CDS2: variants seen among roughly 807,000 people sequenced by gnomAD.
CDS2 encodes the protein phosphatidate cytidylyltransferase 2.
In CDS2, 47 loss-of-function variants were observed where a neutral mutation model predicts 59.0. That is an observed-to-expected ratio of 0.80 (90% confidence interval 0.63 to 1.02). The LOEUF is 1.02. Among genes scored for constraint, CDS2 ranks in the 50% least tolerant of loss-of-function variants. CDS2 has a pLI of 0.00. For synonymous variants in CDS2, 207 were observed against 206.4 expected, an observed-to-expected ratio of 1.00 and a Z score of -0.02; for missense variants, 356 against 558.9, an observed-to-expected ratio of 0.64 and a Z score of 3.66.
intron 1 of CDS2, among the ~76,000 whole-genome samples, chr20:5,149,164 T>G (rs1406615627): frequency 6.6e-6 from 1 of 152,152 alleles, no homozygotes; most frequent in Admixed American, 6.5e-5. Context: ...TATTTGAGTA[T>G]AGTATACTAG....
rs1488335072 is a variant in CDS2 at position 5,127,014 on chromosome 20, C to T, written c.-79C>T. The T allele has an allele frequency of 5.9e-6, 8 of 1,363,602 alleles. 1 individual carries two copies. The South Asian group carries it at 7.3e-5, about 12-fold the overall frequency. 84.5% of individuals were successfully genotyped at this position (1,363,602 alleles called of 1,614,324 possible). On this transcript the variant is annotated 5_prime_UTR_variant, in exon 1 of 13. Coordinates refer to ENST00000460006, the MANE Select transcript of CDS2 (RefSeq NM_003818.4). ...GCGGGGCGGGGCCGGCCGTGGGAGT[C>T]CGCGCGTGCCCGCGCCGAGCTGCCT...
chr20:5,137,133 CT>C (rs758401487), intron 1 of CDS2, among the ~76,000 whole-genome samples: 5 of 151,728 alleles, frequency 3.3e-5, no homozygotes, highest in Non-Finnish European at 7.4e-5. Context: ...TTTATGTAGC[CT>C]TCTCTCTTAA....
At chr20:5,127,526 G>A (rs1454520010) in intron 1 of CDS2, among the ~76,000 whole-genome samples, 1 of 152,222 alleles carries the variant, frequency 6.6e-6, no homozygotes, top group Non-Finnish European at 1.5e-5. Flanking sequence ...TCCTCTGAGC[G>A]CAACTTAGGC....
intron 1 of CDS2, among the ~76,000 whole-genome samples, chr20:5,147,629 C>T (rs781165643): frequency 6.6e-5 from 10 of 152,114 alleles, no homozygotes; most frequent in Non-Finnish European, 1.5e-4. Flanking sequence ...GTCTCGAACT[C>T]CTGGCCTCAG....
intron 1 of CDS2, among the ~76,000 whole-genome samples, chr20:5,170,434 G>A (rs1289362640): frequency 6.6e-6 from 1 of 151,456 alleles, no homozygotes; most frequent in African/African-American, 2.4e-5. Context: ...ACGGGGTGGG[G>A]AGGAGCTGGA....
At position 5,145,822 on chromosome 20, in the gene CDS2, G is replaced by GGTTTTTTTTT. The variant is rs773575866; in HGVS notation, c.57+18673_57+18674insGTTTTTTTTT. ...CCAAGTTGTGTGTTTTGCTTTTTGT[G>GGTTTTTTTTT]TTTTTTTTTTTTTTTTTTTGAGACA... is the stretch of plus-strand genomic sequence containing the variant. On this transcript the variant is annotated intron_variant, in intron 1 of 12. Coordinates refer to ENST00000460006, the MANE Select transcript of CDS2 (RefSeq NM_003818.4). Among the ~76,000 whole-genome samples the GGTTTTTTTTT allele has an allele frequency of 5.2e-4, 67 of 129,252 alleles. 3 individuals are homozygous for GGTTTTTTTTT. The highest frequency in any genetic ancestry group is 1.3e-3 in the African/African-American group (44 of 33,512). 84.8% of individuals were successfully genotyped at this position (129,252 alleles called of 152,430 possible).
intron 8 of CDS2, among the ~76,000 whole-genome samples, 154 bp from the exon 9 acceptor site, chr20:5,185,604 G>C (rs762527232): frequency 2.0e-5 from 3 of 152,166 alleles, no homozygotes; most frequent in Non-Finnish European, 2.9e-5. Flanking sequence ...ATATAAGATA[G>C]GGAACAAGGA....
At chr20:5,140,215 C>G (rs1469742657) in intron 1 of CDS2, among the ~76,000 whole-genome samples, 1 of 152,198 alleles carries the variant, frequency 6.6e-6, no homozygotes, top group Non-Finnish European at 1.5e-5. Context: ...TTGAACCAAG[C>G]AGGCATTTAA....
intron 1 of CDS2, among the ~76,000 whole-genome samples, chr20:5,153,483 C>T (rs2090809180): frequency 2.0e-5 from 3 of 152,122 alleles, no homozygotes; most frequent in Non-Finnish European, 4.4e-5. Flanking sequence ...TAGTTGTGAC[C>T]CACTGAATTG....
chr20:5,127,458 C>G (rs2090564092), intron 1 of CDS2, among the ~76,000 whole-genome samples: 1 of 152,198 alleles, frequency 6.6e-6, no homozygotes, highest in African/African-American at 2.4e-5. Flanking sequence ...CCCTCTCCCC[C>G]AACTCCGTGA....
At chr20:5,170,667 G>GA (rs2090949739) in intron 1 of CDS2, among the ~76,000 whole-genome samples, 1 of 152,244 alleles carries the variant, frequency 6.6e-6, no homozygotes, top group African/African-American at 2.4e-5. Flanking sequence ...TTCCTGCTCA[G>GA]AGGATGCTTC....
intron 7 of CDS2, 23 bp downstream of exon 7, chr20:5,183,166 T>C: frequency 1.2e-6 from 2 of 1,602,076 alleles, no homozygotes. Flanking sequence ...AGTTGGATTT[T>C]CCCTTTTATT....
chr20:5,188,062 G>C (rs2091083320), intron 10 of CDS2, among the ~76,000 whole-genome samples: 1 of 151,864 alleles, frequency 6.6e-6, no homozygotes. Flanking sequence ...GTACGTGTGT[G>C]TGTGTGTGTG....
chr20:5,178,129 C>T (rs1251682520), intron 4 of CDS2, among the ~76,000 whole-genome samples: 1 of 152,210 alleles, frequency 6.6e-6, no homozygotes, highest in Non-Finnish European at 1.5e-5. Context: ...GGCTTCTCTT[C>T]TCATGAACGC....
chr20:5,151,781 T>TTTTG (rs2090792729), intron 1 of CDS2, among the ~76,000 whole-genome samples: 1 of 121,970 alleles, frequency 8.2e-6, no homozygotes, highest in Non-Finnish European at 1.6e-5. Context: ...TTTTTTTTTT[T>TTTTG]GAGACGGAGT....
intron 1 of CDS2, among the ~76,000 whole-genome samples, chr20:5,158,414 T>C (rs2090850905): frequency 6.6e-6 from 1 of 152,154 alleles, no homozygotes; most frequent in Non-Finnish European, 1.5e-5. Context: ...TCAAGTGATC[T>C]ACCTGCCTTG....
intron 1 of CDS2, among the ~76,000 whole-genome samples, chr20:5,151,851 G>C (rs2090793651): frequency 7.4e-6 from 1 of 135,504 alleles, no homozygotes; most frequent in Non-Finnish European, 1.5e-5. Flanking sequence ...CACAACCTCT[G>C]CCTCCCAGGT....
Position 5,190,402 on chromosome 20 carries a change from G to A in CDS2, c.*168G>A, listed in dbSNP as rs1441206358. ...TGGGTTCAAAAAATCTGTATATACAGTCTATGTGTTTAGAATTTGTGTTGT... is the reference window on the plus strand; with the variant it reads ...TGGGTTCAAAAAATCTGTATATACAATCTATGTGTTTAGAATTTGTGTTGT... On this transcript the variant is annotated 3_prime_UTR_variant, in exon 13 of 13. Coordinates refer to ENST00000460006, the MANE Select transcript of CDS2 (RefSeq NM_003818.4). The A allele has an allele frequency of 1.9e-6, 1 of 536,158 alleles. No homozygotes were observed. The highest frequency in any genetic ancestry group is 2.0e-5 in the African/African-American group (1 of 50,986). The allele number at this position is 536,158 out of a possible 1,614,324, so 33.2% of individuals were successfully genotyped here.
At chr20:5,156,426 G>A (rs372110677) in intron 1 of CDS2, among the ~76,000 whole-genome samples, 1 of 152,262 alleles carries the variant, frequency 6.6e-6, no homozygotes, top group East Asian at 1.9e-4. Flanking sequence ...AGTTTGCACT[G>A]GAGCTTGGAG....
Sources: allele counts gnomAD v4.1 joint callset (sites outside exome capture counted in the v4.1 genomes callset), GRCh38; gene constraint gnomAD v4.1.1; transcripts MANE v1.5; gene names NCBI Gene and HGNC (gene_info 2026-07-23, HGNC 2026-07-21).